SVOPL: variants seen among roughly 807,000 people sequenced by gnomAD.
The protein encoded by SVOPL is SVOP like.
Under a neutral mutation model 61.0 loss-of-function variants are expected in SVOPL, and 60 were observed. The observed-to-expected ratio is 0.98, with a 90% CI of 0.80 to 1.22. The LOEUF is 1.22. Among genes scored for constraint, SVOPL ranks in the 50% most tolerant of loss-of-function variants. The probability of loss-of-function intolerance (pLI) is 0.00; values close to 1 mark genes in which losing one functional copy is unlikely to be tolerated. For missense variants in SVOPL, 662 were observed against 643.9 expected (o/e 1.03, Z -0.30); for synonymous variants, 279 against 250.0 (o/e 1.12, Z -1.09).
rs770776844 is a variant in SVOPL at position 138,596,440 on chromosome 7, C to A, written c.1444G>T (p.Glu482Ter). The part of the protein sequence containing the change: ...CAISAFTLPI[E>*]TKGRALQQIK ...ACCTGGAGGGCCCGTCCTTTGGTTT[C>A]GATGGGGAGAGTGAATGCAGAAATG... is the stretch of plus-strand genomic sequence containing the variant. Residue 482 changes from glutamate (E) to a stop codon, truncating the protein, a stop_gained, in exon 15 of 16, where the codon GAA (glutamate) becomes TAA (stop). Coordinates refer to ENST00000674285, the MANE Select transcript of SVOPL (RefSeq NM_001139456.2). LOFTEE classifies it high-confidence loss of function. 1 of 1,613,652 alleles carries A rather than the reference C, an allele frequency of 6.2e-7. No individual in the cohort carries two copies. Among genetic ancestry groups the A allele is most frequent in the Non-Finnish European group, 8.5e-7 (1 of 1,179,902 alleles).
At chr7:138,626,120 G>A (rs1799882154) in intron 12 of SVOPL, 70 bp from the exon 13 acceptor site, 7 of 1,438,316 alleles carry the variant, frequency 4.9e-6, no homozygotes, top group South Asian at 3.5e-5. Flanking sequence ...GCCCAGCTTC[G>A]AGTGCACTGT....
At chr7:138,623,901 C>A (rs767616837) in intron 13 of SVOPL, among the ~76,000 whole-genome samples, 4 of 152,060 alleles carry the variant, frequency 2.6e-5, no homozygotes, top group Admixed American at 6.5e-5. Flanking sequence ...CTCACCGCAA[C>A]CTTTGCCCCC....
At chr7:138,655,193 A>G (rs111471805) in intron 7 of SVOPL, among the ~76,000 whole-genome samples, 3 of 151,256 alleles carry the variant, frequency 2.0e-5, no homozygotes, top group Non-Finnish European at 4.4e-5. Flanking sequence ...CTGTCTCAAA[A>G]AAAAGAAAAG....
intron 1 of SVOPL, among the ~76,000 whole-genome samples, chr7:138,688,170 A>T (rs1454232503): frequency 6.6e-6 from 1 of 152,222 alleles, no homozygotes; most frequent in Non-Finnish European, 1.5e-5. Flanking sequence ...GCAAATGGCC[A>T]ATGAGCACAT....
At chr7:138,616,937 CCAT>C (rs1235518130) in intron 14 of SVOPL, among the ~76,000 whole-genome samples, 1 of 152,130 alleles carries the variant, frequency 6.6e-6, no homozygotes, top group Non-Finnish European at 1.5e-5. Flanking sequence ...TAGGTGCATG[CCAT>C]CATGCCTGGC....
At chr7:138,659,014 T>C (rs76365938) in intron 6 of SVOPL, among the ~76,000 whole-genome samples, 20,834 of 151,934 alleles carry the variant, frequency 0.14, 2,034 homozygotes, top group African/African-American at 0.27. Context: ...CCTCATTATA[T>C]CCCTCTAGCA....
intron 9 of SVOPL, among the ~76,000 whole-genome samples, chr7:138,640,674 A>G (rs73458896): frequency 6.6e-6 from 1 of 152,138 alleles, no homozygotes; most frequent in Non-Finnish European, 1.5e-5. Context: ...CAGAAAGCCA[A>G]ATACCATATG....
At chr7:138,629,086 T>C (rs1191654559) in intron 10 of SVOPL, among the ~76,000 whole-genome samples, 2 of 151,594 alleles carry the variant, frequency 1.3e-5, no homozygotes. Flanking sequence ...TTTTTTCCTG[T>C]TGAAAAAATG....
intron 3 of SVOPL, among the ~76,000 whole-genome samples, chr7:138,674,434 G>A (rs144985601): frequency 7.0e-4 from 106 of 151,992 alleles, no homozygotes; most frequent in African/African-American, 1.8e-3. Flanking sequence ...GCATCCCATC[G>A]TAAGACCAGT....
At position 138,601,188 on chromosome 7, in the gene SVOPL, C is replaced by T. The variant is rs184743330; in HGVS notation, c.1354-4658G>A. Among the ~76,000 whole-genome samples, 1,148 of 146,304 alleles carry T rather than the reference C, an allele frequency of 7.8e-3. 16 individuals carry two copies. Among genetic ancestry groups the T allele is most frequent in the South Asian group, 0.046 (215 of 4,654 alleles). On this transcript the variant is annotated intron_variant, in intron 14 of 15. Transcript: ENST00000674285. ...AATGGCGTGAATTCGGGAGGCGGAG[C>T]TTGCAGTGAGCCAAGATCGTGCCAC...
intron 7 of SVOPL, among the ~76,000 whole-genome samples, chr7:138,655,275 G>A (rs1026377785): frequency 2.2e-4 from 33 of 152,218 alleles, no homozygotes; most frequent in South Asian, 6.2e-4. Context: ...AGGCCGAGGC[G>A]GGTGGATCAC....
intron 14 of SVOPL, among the ~76,000 whole-genome samples, chr7:138,597,724 C>CCCTG (rs1798339672): frequency 6.6e-6 from 1 of 151,296 alleles, no homozygotes; most frequent in Admixed American, 6.6e-5. Flanking sequence ...AACCAAAAGG[C>CCCTG]CAGGCAGTCT....
At chr7:138,628,900 T>C (rs1800024423) in intron 10 of SVOPL, among the ~76,000 whole-genome samples, 1 of 152,148 alleles carries the variant, frequency 6.6e-6, no homozygotes, top group Admixed American at 6.5e-5. Context: ...TGGCCGAACA[T>C]GGTGGCTCAT....
chr7:138,659,856 A>T lies in SVOPL; in HGVS notation c.470+8T>A, dbSNP rs1284837474. Reference sequence around the variant, plus strand: ...TCTGTCTCAGGGTCCCCTGGGTAACATATTTACCCTTGCGAGTGGCCGGAC... The same window carrying T: ...TCTGTCTCAGGGTCCCCTGGGTAACTTATTTACCCTTGCGAGTGGCCGGAC... On this transcript the variant is annotated splice_region_variant and intron_variant, in intron 6 of 15. Transcript: ENST00000674285. 1 of 1,551,182 alleles carries T rather than the reference A, an allele frequency of 6.4e-7. No individual in the cohort carries two copies. Among genetic ancestry groups the T allele is most frequent in the Non-Finnish European group, 8.7e-7 (1 of 1,146,818 alleles).
intron 8 of SVOPL, chr7:138,646,096 G>A: frequency 5.3e-6 from 1 of 187,826 alleles, no homozygotes; most frequent in South Asian, 9.8e-5. Context: ...TTACAGGCGT[G>A]AGCTACCGCG....
intron 14 of SVOPL, among the ~76,000 whole-genome samples, chr7:138,606,725 A>G (rs571769177): frequency 2.6e-5 from 4 of 152,154 alleles, no homozygotes; most frequent in Non-Finnish European, 5.9e-5. Context: ...AGGCGGAGGC[A>G]GGTGGATCAC....
chr7:138,620,101 CTTTTTTGTTTTTTTTCTGTTTTGTT>C (rs1799486123), intron 14 of SVOPL, among the ~76,000 whole-genome samples: 2 of 136,146 alleles, frequency 1.5e-5, no homozygotes, highest in Non-Finnish European at 3.2e-5. Context: ...TTTTTTTTTT[CTTTTTTGTTTTTTTTCTGTTTTGTT>C]TTTTTTTTTT....
intron 5 of SVOPL, chr7:138,661,757 C>A: frequency 1.1e-6 from 1 of 878,872 alleles, no homozygotes; most frequent in Non-Finnish European, 1.4e-6. Context: ...TTAAAAAACC[C>A]ACTTGTAACT....
intron 14 of SVOPL, among the ~76,000 whole-genome samples, chr7:138,604,975 G>T (rs978108564): frequency 4.6e-5 from 7 of 151,918 alleles, no homozygotes; most frequent in Non-Finnish European, 8.8e-5. Flanking sequence ...CAGCACTTTG[G>T]GAGGCTGAGA....
Sources: gnomAD v4.1 joint callset for allele counts (sites outside exome capture counted in the v4.1 genomes callset) on GRCh38, gnomAD v4.1.1 for gene constraint, MANE v1.5 for transcripts, NCBI Gene and HGNC (gene_info 2026-07-23, HGNC 2026-07-21) for gene names.